Variants in CYB5R4 observed in about 807,000 individuals in gnomAD.
CYB5R4 encodes cytochrome b5 reductase 4, also known as N-terminal cytochrome b5 and cytochrome b5 oxidoreductase domain-containing protein.
A neutral mutation model predicts 70.2 loss-of-function variants in CYB5R4; 55 were observed. The ratio of observed to expected loss-of-function variants is 0.78; its 90% CI spans 0.63 to 0.98. CYB5R4 has a LOEUF of 0.98. Ranked by LOEUF, CYB5R4 falls within the 50% of genes least tolerant of loss-of-function variation. The probability of loss-of-function intolerance (pLI) is 0.00; values close to 1 mark genes in which losing one functional copy is unlikely to be tolerated. For synonymous variants in CYB5R4, 197 were observed against 199.5 expected (o/e 0.99, Z 0.11); for missense variants, 562 against 612.6 (o/e 0.92, Z 0.87).
intron 3 of CYB5R4, among the ~76,000 whole-genome samples, chr6:83,899,105 C>A (rs1192590949): frequency 1.3e-5 from 2 of 152,170 alleles, no homozygotes; most frequent in Admixed American, 1.3e-4. Context: ...GTGGGTTTGT[C>A]ATAGATAGCT....
At chr6:83,929,422 T>G (rs2099467807) in intron 10 of CYB5R4, 1 of 152,212 alleles carries the variant, frequency 6.6e-6, no homozygotes, top group South Asian at 2.1e-4. Flanking sequence ...AAATCTAGAA[T>G]ATACTTACCT....
chr6:83,901,881 C>T (rs2099463027), intron 3 of CYB5R4, among the ~76,000 whole-genome samples: 1 of 147,344 alleles, frequency 6.8e-6, no homozygotes, highest in Non-Finnish European at 1.5e-5. Flanking sequence ...AATGGGATTA[C>T]TTTTTTTTTT....
chr6:83,913,880 A>AT (rs1208580761), intron 4 of CYB5R4, among the ~76,000 whole-genome samples: 1 of 152,026 alleles, frequency 6.6e-6, no homozygotes, highest in Non-Finnish European at 1.5e-5. Context: ...ATACCTGTTA[A>AT]TTTTTTTCCT....
chr6:83,937,519 GT>G (rs2099469108), intron 12 of CYB5R4, among the ~76,000 whole-genome samples: 1 of 151,914 alleles, frequency 6.6e-6, no homozygotes, highest in South Asian at 2.1e-4. Flanking sequence ...AATGTGCTTT[GT>G]TTTTTTGTTT....
chr6:83,942,761 A>C (rs1588584206), intron 14 of CYB5R4, among the ~76,000 whole-genome samples: 1 of 152,180 alleles, frequency 6.6e-6, no homozygotes, highest in South Asian at 2.1e-4. Flanking sequence ...GATGGGGGAC[A>C]CTTGAGCCTG....
intron 12 of CYB5R4, among the ~76,000 whole-genome samples, chr6:83,939,183 C>A (rs1021956432): frequency 6.6e-6 from 1 of 152,098 alleles, no homozygotes; most frequent in Non-Finnish European, 1.5e-5. Flanking sequence ...TTCTTACTAT[C>A]CTGCAATGGA....
intron 3 of CYB5R4, among the ~76,000 whole-genome samples, chr6:83,905,033 T>C (rs1177187855): frequency 6.6e-6 from 1 of 152,096 alleles, no homozygotes; most frequent in East Asian, 1.9e-4. Flanking sequence ...CCTTTTTTTT[T>C]TGTATGTTTG....
At chr6:83,947,967 T>C (rs925154449) in intron 14 of CYB5R4, among the ~76,000 whole-genome samples, 37 of 152,134 alleles carry the variant, frequency 2.4e-4, no homozygotes, top group Non-Finnish European at 4.4e-4. Context: ...TGTGGTGATT[T>C]CTTAAGGATT....
At position 83,960,187 on chromosome 6, in the gene CYB5R4, T is replaced by G. The variant is rs998212103; in HGVS notation, c.*309T>G. The G allele has an allele frequency of 3.8e-5, 8 of 210,406 alleles. No individual in the cohort carries two copies. The highest frequency in any genetic ancestry group is 6.5e-5 in the Non-Finnish European group (7 of 106,898). 13.0% of individuals were successfully genotyped at this position (210,406 alleles called of 1,614,324 possible). A position where few individuals can be genotyped will look rare whatever the true frequency, so the allele number is the denominator to read the frequency against. ...ATCACTGTTCTACAATAAGCACTTG[T>G]GTTTTATGACATGATAAAGTAAATG... On this transcript the variant is annotated 3_prime_UTR_variant, in exon 16 of 16. Transcript: ENST00000369681.
At chr6:83,865,514 A>G (rs1308292093) in intron 2 of CYB5R4, among the ~76,000 whole-genome samples, 1 of 152,152 alleles carries the variant, frequency 6.6e-6, no homozygotes, top group African/African-American at 2.4e-5. Flanking sequence ...CTTGGCTTAT[A>G]GAACATTACC....
At chr6:83,926,310 G>C (rs1407811912) in intron 10 of CYB5R4, 1 of 151,930 alleles carries the variant, frequency 6.6e-6, no homozygotes, top group Non-Finnish European at 1.5e-5. Flanking sequence ...GAAGAAGGCT[G>C]GGCCTAGCTT....
chr6:83,952,977 T>A (rs2099471775), intron 14 of CYB5R4, among the ~76,000 whole-genome samples: 1 of 152,160 alleles, frequency 6.6e-6, no homozygotes, highest in Non-Finnish European at 1.5e-5. Flanking sequence ...CTGTTTCTTT[T>A]TCCCCAGCCT....
intron 14 of CYB5R4, 39 bp downstream of exon 14, chr6:83,940,640 A>G (rs778158403): frequency 5.7e-6 from 9 of 1,575,376 alleles, no homozygotes; most frequent in Non-Finnish European, 6.9e-6. Context: ...AGTTATTTAT[A>G]CCTGGGTAGT....
Position 83,961,201 on chromosome 6 carries a change from C to T in CYB5R4, c.*1323C>T, listed in dbSNP as rs1669072424. 6.6e-6 allele frequency: 1 copy of T among 152,186 alleles called. No homozygotes were observed. The highest frequency in any genetic ancestry group is 6.5e-5 in the Admixed American group (1 of 15,272). The allele number at this position is 152,186 out of a possible 1,614,324, so 9.4% of individuals were successfully genotyped here. ...TCACTTTTTCCTGTGCCTCTGTCTTCTGTAGCCAATTCCACCATCATCATT... is the reference window on the plus strand; with the variant it reads ...TCACTTTTTCCTGTGCCTCTGTCTTTTGTAGCCAATTCCACCATCATCATT... On this transcript the variant is annotated 3_prime_UTR_variant, in exon 16 of 16. Coordinates refer to ENST00000369681, the MANE Select transcript of CYB5R4 (RefSeq NM_016230.4).
chr6:83,887,967 T>A (rs1336784656), intron 2 of CYB5R4, among the ~76,000 whole-genome samples: 1 of 152,194 alleles, frequency 6.6e-6, no homozygotes, highest in African/African-American at 2.4e-5. Flanking sequence ...GATTGGTGTT[T>A]CATGAATCTG....
intron 2 of CYB5R4, among the ~76,000 whole-genome samples, chr6:83,882,780 GATCAAGACCATC>G (rs1260500553): frequency 6.6e-6 from 1 of 152,128 alleles, no homozygotes; most frequent in African/African-American, 2.4e-5. Context: ...GAGATCAGGA[GATCAAGACCATC>G]CTGGCTAACA....
At chr6:83,892,364 G>A (rs955304294) in intron 2 of CYB5R4, among the ~76,000 whole-genome samples, 1 of 152,012 alleles carries the variant, frequency 6.6e-6, no homozygotes, top group South Asian at 2.1e-4. Context: ...AACATTTTAA[G>A]TTATCTGAGG....
At chr6:83,945,607 C>G (rs2099470455) in intron 14 of CYB5R4, among the ~76,000 whole-genome samples, 1 of 151,978 alleles carries the variant, frequency 6.6e-6, no homozygotes, top group African/African-American at 2.4e-5. Context: ...CATGAAAAAC[C>G]CTTCAAAAAA....
chr6:83,940,479 A>C, intron 13 of CYB5R4, 36 bp from the exon 14 acceptor site: 1 of 1,516,142 alleles, frequency 6.6e-7, no homozygotes, highest in Non-Finnish European at 8.9e-7. Context: ...AAATGTAATT[A>C]ATTAGTTATT....
Sources: gnomAD v4.1 joint callset for allele counts (sites outside exome capture counted in the v4.1 genomes callset) on GRCh38, gnomAD v4.1.1 for gene constraint, MANE v1.5 for transcripts, NCBI Gene and HGNC (gene_info 2026-07-23, HGNC 2026-07-21) for gene names.